MAP3K3: variants seen among roughly 807,000 people sequenced by gnomAD.
The protein encoded by MAP3K3 is mitogen-activated protein kinase kinase kinase 3.
In MAP3K3, 12 loss-of-function variants were observed where a neutral mutation model predicts 80.9. That is an observed-to-expected ratio of 0.15 (90% CI 0.10 to 0.24). MAP3K3 has a LOEUF of 0.24. MAP3K3 is among the 10% of genes least tolerant of loss of function. The probability of loss-of-function intolerance (pLI) is 1.00; values close to 1 mark genes in which losing one functional copy is unlikely to be tolerated. For missense variants in MAP3K3, 596 were observed against 834.7 expected (o/e 0.71, Z 3.52); for synonymous variants, 272 against 307.1 (o/e 0.89, Z 1.19).
chr17:63,685,441 C>A, intron 7 of MAP3K3, 76 bp from the exon 8 acceptor site: 1 of 1,131,982 alleles, frequency 8.8e-7, no homozygotes, highest in Non-Finnish European at 1.4e-6. Context: ...CATTTGCTGG[C>A]CCTTGCCATA....
At position 63,689,193 on chromosome 17, in the gene MAP3K3, G is replaced by A. The variant is rs2035528214; in HGVS notation, c.871+312G>A. 1 of 544,846 alleles carries A rather than the reference G, an allele frequency of 1.8e-6. No homozygotes were observed. Among genetic ancestry groups the A allele is most frequent in the Admixed American group, 3.3e-5 (1 of 30,398 alleles). The allele number at this position is 544,846 out of a possible 1,614,324, so 33.8% of individuals were successfully genotyped here. A position where few individuals can be genotyped will look rare whatever the true frequency, so the allele number is the denominator to read the frequency against. The stretch of plus-strand genomic sequence containing the variant: ...CCTGGGCCCTGTAGAGGGGTAAGGA[G>A]TAGGATACAAGGAAATCAGTGCCTT... On this transcript the variant is annotated intron_variant, in intron 10 of 15. Transcript: ENST00000361733. The surrounding 1 kb of genome is among the most constrained non-coding windows in gnomAD (Gnocchi z 4.3).
At chr17:63,654,691 T>C (rs1450567267) in intron 4 of MAP3K3, among the ~76,000 whole-genome samples, 1 of 152,216 alleles carries the variant, frequency 6.6e-6, no homozygotes, top group East Asian at 1.9e-4. Context: ...ATGAGTGTAT[T>C]AGTCTATTCT....
At chr17:63,642,538 A>G (rs2034463264) in intron 2 of MAP3K3, among the ~76,000 whole-genome samples, 1 of 152,074 alleles carries the variant, frequency 6.6e-6, no homozygotes, top group African/African-American at 2.4e-5. Context: ...CATGCCTGTA[A>G]TCCCAGCTAC....
rs2035538896 is a variant in MAP3K3 at position 63,689,594 on chromosome 17, C to T, written c.922C>T (p.Leu308=). The change falls in exon 11 of 16, where the codon CTG becomes TTG. Residue 308 remains leucine (L), a synonymous_variant. Coordinates refer to ENST00000361733, the MANE Select transcript of MAP3K3 (RefSeq NM_002401.5). The surrounding 1 kb of genome is among the most constrained non-coding windows in gnomAD (Gnocchi z 4.3). Reference sequence around the variant, plus strand: ...GCGTCATCAAGGCAACTTGTTCACCCTGGTGCCCTCCAGCCGCTCCCTGAG... The same window carrying T: ...GCGTCATCAAGGCAACTTGTTCACCTTGGTGCCCTCCAGCCGCTCCCTGAG... ...IRRHQGNLFT[L]VPSSRSLSTN... is the part of the protein sequence containing the mutation. 6.2e-7 allele frequency: 1 copy of T among 1,613,780 alleles called. No individual in the cohort carries two copies. Among genetic ancestry groups the T allele is most frequent in the Non-Finnish European group, 8.5e-7 (1 of 1,179,900 alleles).
At chr17:63,664,781 G>A (rs987564079) in intron 5 of MAP3K3, among the ~76,000 whole-genome samples, 2 of 152,040 alleles carry the variant, frequency 1.3e-5, no homozygotes, top group Admixed American at 6.6e-5. Context: ...GTCACTCTGC[G>A]ACAGTCCCCT....
intron 3 of MAP3K3, among the ~76,000 whole-genome samples, chr17:63,648,672 G>A (rs8069210): frequency 0.31 from 47,807 of 151,880 alleles, 8,546 homozygotes; most frequent in African/African-American, 0.49. Context: ...AAAATTAGCC[G>A]GGCGTGGTGG....
At chr17:63,677,641 C>T (rs943891915) in intron 6 of MAP3K3, among the ~76,000 whole-genome samples, 1 of 152,146 alleles carries the variant, frequency 6.6e-6, no homozygotes, top group Non-Finnish European at 1.5e-5. Flanking sequence ...GTTGGCCAAG[C>T]GGCATTTTGT....
intron 5 of MAP3K3, among the ~76,000 whole-genome samples, chr17:63,666,121 G>A (rs2034994690): frequency 6.6e-6 from 1 of 152,076 alleles, no homozygotes; most frequent in Non-Finnish European, 1.5e-5. Flanking sequence ...GTTTTCTCTG[G>A]CGGCTGGACT....
intron 8 of MAP3K3, chr17:63,688,236 T>G: frequency 2.1e-6 from 1 of 487,582 alleles, no homozygotes; most frequent in Non-Finnish European, 3.7e-6. Context: ...GCTCTTTGCC[T>G]GTTACAGAGG....
intron 4 of MAP3K3, among the ~76,000 whole-genome samples, chr17:63,654,807 G>A (rs1012260101): frequency 6.6e-6 from 1 of 152,276 alleles, no homozygotes; most frequent in Non-Finnish European, 1.5e-5. Context: ...GGAGGCTGAG[G>A]CGGGCAGATC....
intron 3 of MAP3K3, among the ~76,000 whole-genome samples, chr17:63,650,113 A>C (rs2034620192): frequency 2.6e-5 from 4 of 152,194 alleles, no homozygotes; most frequent in Admixed American, 2.6e-4. Context: ...AGGTTGTTTT[A>C]ATAGGCATTT....
chr17:63,650,271 T>C (rs2034622471), intron 3 of MAP3K3, among the ~76,000 whole-genome samples: 1 of 152,212 alleles, frequency 6.6e-6, no homozygotes, highest in East Asian at 1.9e-4. Context: ...TGTTTAACTT[T>C]GTTGATGGCT....
At chr17:63,656,414 C>T (rs1294168766) in intron 4 of MAP3K3, among the ~76,000 whole-genome samples, 2 of 150,468 alleles carry the variant, frequency 1.3e-5, no homozygotes, top group East Asian at 3.9e-4. Flanking sequence ...ACCAACCTGA[C>T]CAATATGGCA....
intron 1 of MAP3K3, among the ~76,000 whole-genome samples, chr17:63,624,128 A>G (rs1237297428): frequency 6.6e-6 from 1 of 152,226 alleles, no homozygotes; most frequent in Non-Finnish European, 1.5e-5. Flanking sequence ...GAGAGTGGAC[A>G]TAAAAGGAAC....
chr17:63,668,088 T>TA (rs954843549), intron 6 of MAP3K3: 1 of 152,214 alleles, frequency 6.6e-6, no homozygotes, highest in African/African-American at 2.4e-5. Context: ...CCTGCTGCCT[T>TA]AATGTTGTGG....
At chr17:63,657,104 C>T (rs1285412583) in intron 4 of MAP3K3, among the ~76,000 whole-genome samples, 1 of 151,994 alleles carries the variant, frequency 6.6e-6, no homozygotes, top group Non-Finnish European at 1.5e-5. Flanking sequence ...CAATTTTCAT[C>T]CTCTGACCAT....
chr17:63,631,207 G>T (rs1008855828), intron 1 of MAP3K3, among the ~76,000 whole-genome samples: 15 of 152,298 alleles, frequency 9.8e-5, no homozygotes, highest in African/African-American at 3.1e-4. Flanking sequence ...GATTGTTTGA[G>T]CCTGGGGGTG....
At chr17:63,658,135 G>A (rs2034810649) in intron 5 of MAP3K3, among the ~76,000 whole-genome samples, 2 of 152,174 alleles carry the variant, frequency 1.3e-5, no homozygotes, top group Admixed American at 1.3e-4. Flanking sequence ...TTGACTTTTG[G>A]TGAGGGAGGA....
Position 63,690,372 on chromosome 17 carries a change from A to G in MAP3K3, c.1172A>G (p.Lys391Arg). 1 of 1,614,194 alleles carries G rather than the reference A, an allele frequency of 6.2e-7. No homozygotes were observed. Among genetic ancestry groups the G allele is most frequent in the Non-Finnish European group, 8.5e-7 (1 of 1,180,022 alleles). ...GACACGGGACGTGAACTTGCTTCCAAGCAGGTCCAATTTGATCCAGACAGT... is the reference window on the plus strand; with the variant it reads ...GACACGGGACGTGAACTTGCTTCCAGGCAGGTCCAATTTGATCCAGACAGT... ...DVDTGRELAS[K>R]QVQFDPDSPE... Residue 391 changes from lysine to arginine, a missense_variant, in exon 12 of 16, where the codon AAG becomes AGG. Coordinates refer to ENST00000361733, the MANE Select transcript of MAP3K3 (RefSeq NM_002401.5).
Sources: allele counts gnomAD v4.1 joint callset (sites outside exome capture counted in the v4.1 genomes callset), GRCh38; gene constraint gnomAD v4.1.1; non-coding constraint Gnocchi (gnomAD v3.1); transcripts MANE v1.5; gene names NCBI Gene and HGNC (gene_info 2026-07-23, HGNC 2026-07-21).